The following CACNA1A variants were observed in gnomAD, a reference collection of about 807,000 sequenced individuals.
CACNA1A encodes the protein voltage-dependent P/Q-type calcium channel subunit alpha-1A.
In CACNA1A, 57 loss-of-function variants were observed where a neutral mutation model predicts 262.4. That is an observed-to-expected ratio of 0.22 (90% CI 0.18 to 0.27). CACNA1A has a LOEUF of 0.27. Among genes scored for constraint, CACNA1A ranks in the 10% least tolerant of loss-of-function variants. The pLI is 1.00. For missense variants in CACNA1A, 2,526 were observed against 3,562.8 expected, an observed-to-expected ratio of 0.71 and a Z score of 7.41; for synonymous variants, 1,431 against 1,419.3, an observed-to-expected ratio of 1.01 and a Z score of -0.18.
intron 34 of CACNA1A, among the ~76,000 whole-genome samples, chr19:13,232,313 C>T (rs757396700): frequency 2.0e-5 from 3 of 151,740 alleles, no homozygotes; most frequent in Admixed American, 6.6e-5. Flanking sequence ...CCTCCCGCCT[C>T]GGCCTCCTGA....
intron 3 of CACNA1A, among the ~76,000 whole-genome samples, chr19:13,397,148 A>C (rs1457864535): frequency 6.6e-6 from 1 of 152,166 alleles, no homozygotes; most frequent in Non-Finnish European, 1.5e-5. Flanking sequence ...TGAATGGTTC[A>C]TGAAAGCTGC....
rs1491579757 is a variant in CACNA1A, at chr19:13,320,236, T to TTG, written c.1346-2916_1346-2915insCA. ...GGGGACAGGGGGGATGTTCCACAGA[T>TTG]CGAGAGAGAGAGAGAGAGAGAGAGA... On this transcript the variant is annotated intron_variant, in intron 10 of 46. Transcript: ENST00000360228. 5.7e-3 allele frequency among the ~76,000 whole-genome samples: 420 copies of TTG among 73,540 alleles called. 2 individuals carry two copies. The East Asian group carries it at 0.058, about 10-fold the overall frequency. The allele number at this position is 73,540 out of a possible 152,430, so 48.2% of individuals were successfully genotyped here. A position where few individuals can be genotyped will look rare whatever the true frequency, so the allele number is the denominator to read the frequency against.
intron 1 of CACNA1A, 99 bp downstream of exon 1, chr19:13,505,833 C>G: frequency 7.8e-7 from 1 of 1,273,892 alleles, no homozygotes; most frequent in Non-Finnish European, 1.1e-6. Flanking sequence ...TCCTCCCCAC[C>G]TCCCATCAAC....
intron 6 of CACNA1A, among the ~76,000 whole-genome samples, chr19:13,348,487 G>C (rs2058835081): frequency 6.6e-6 from 1 of 152,138 alleles, no homozygotes; most frequent in Non-Finnish European, 1.5e-5. Flanking sequence ...CAGATCACTT[G>C]AGGTCAGGAG....
chr19:13,448,195 T>A (rs1005932070), intron 3 of CACNA1A, among the ~76,000 whole-genome samples: 1 of 152,030 alleles, frequency 6.6e-6, no homozygotes, highest in Non-Finnish European at 1.5e-5. Context: ...AACAAGATCA[T>A]GTCCTTTGCA....
At chr19:13,396,674 T>C (rs955218505) in intron 3 of CACNA1A, among the ~76,000 whole-genome samples, 4 of 152,246 alleles carry the variant, frequency 2.6e-5, no homozygotes, top group Non-Finnish European at 5.9e-5. Context: ...AGTTGAATTA[T>C]AGAGTGGATT....
At position 13,241,486 on chromosome 19, in the gene CACNA1A, A is replaced by G; in HGVS notation, c.4950+3696T>C. Reference sequence around the variant, plus strand: ...GAGGAGATGCGTTCACAGTTAATGTAAGGCATTTAGACTTCAGAAAGAAGT... The same window carrying G: ...GAGGAGATGCGTTCACAGTTAATGTGAGGCATTTAGACTTCAGAAAGAAGT... On this transcript the variant is annotated intron_variant, in intron 31 of 46. Transcript: ENST00000360228. This position sits in a 1 kb window ranked among gnomAD's most constrained non-coding sequence, Gnocchi z 4.0. 1 of 1,434,412 alleles carries G rather than the reference A, an allele frequency of 7.0e-7. No homozygotes were observed. The highest frequency in any genetic ancestry group is 2.6e-5 in the East Asian group (1 of 38,370). 88.9% of individuals were successfully genotyped at this position (1,434,412 alleles called of 1,614,324 possible). A position where few individuals can be genotyped will look rare whatever the true frequency, so the allele number is the denominator to read the frequency against.
intron 24 of CACNA1A, 169 bp downstream of exon 24, chr19:13,275,681 T>C (rs1380115696): frequency 6.2e-6 from 4 of 640,632 alleles, no homozygotes; most frequent in African/African-American, 5.4e-5. Flanking sequence ...ATGGACATCA[T>C]GCAAAAAGCC....
At chr19:13,290,794 T>C (rs1410223857) in intron 19 of CACNA1A, among the ~76,000 whole-genome samples, 2 of 152,080 alleles carry the variant, frequency 1.3e-5, no homozygotes, top group Non-Finnish European at 2.9e-5. Flanking sequence ...ATCCCTGCCA[T>C]AAAGCAGGCC....
chr19:13,429,503 T>C, intron 3 of CACNA1A, among the ~76,000 whole-genome samples: 1 of 131,350 alleles, frequency 7.6e-6, no homozygotes, highest in African/African-American at 3.0e-5. Context: ...ACTGTGCCCC[T>C]CACTCCTATT....
chr19:13,333,788 T>G (rs771297303), intron 8 of CACNA1A: 1 of 152,436 alleles, frequency 6.6e-6, no homozygotes, highest in Non-Finnish European at 1.5e-5. Flanking sequence ...TTCTCTGAAT[T>G]TGGGAGTTCC....
intron 28 of CACNA1A, 66 bp from the exon 29 acceptor site, chr19:13,255,325 CCT>C (rs750620826): frequency 3.6e-4 from 519 of 1,449,736 alleles, no homozygotes; most frequent in Non-Finnish European, 4.5e-4. Context: ...CACCGGGCAC[CCT>C]CTGTCTAACT....
At position 13,212,122 on chromosome 19, in the gene CACNA1A, C is replaced by T. The variant is rs770058965; in HGVS notation, c.6284G>A (p.Arg2095His). The change falls in exon 43 of 47, where the codon CGC (arginine) becomes CAC (histidine). Residue 2095 changes from arginine to histidine, a missense_variant. Arg to His is a conservative substitution (Grantham distance 29). This residue lies in a region of CACNA1A where 929 missense variants were observed against 868.1 expected (regional missense o/e 1.07). Transcript: ENST00000360228. The surrounding 1 kb of genome is among the most constrained non-coding windows in gnomAD (Gnocchi z 5.6). ...EGQGRAASMP[R>H]LPAENQRRRG... ...CCTCACCTGGTTCTCTGCAGGGAGG[C>T]GGGGCATGGAGGCAGCCCGGCCCTG... is the stretch of plus-strand genomic sequence containing the variant. The T allele has an allele frequency of 2.5e-6, 4 of 1,612,466 alleles. No homozygotes were observed. The highest frequency in any genetic ancestry group is 1.1e-5 in the South Asian group (1 of 91,048).
At chr19:13,349,469 G>A (rs1380893820) in intron 6 of CACNA1A, among the ~76,000 whole-genome samples, 1 of 152,164 alleles carries the variant, frequency 6.6e-6, no homozygotes, top group African/African-American at 2.4e-5. Context: ...GACAATTTCT[G>A]GCTTTTCTGA....
chr19:13,397,524 C>T (rs753797659), intron 3 of CACNA1A, among the ~76,000 whole-genome samples: 7 of 152,200 alleles, frequency 4.6e-5, no homozygotes, highest in Non-Finnish European at 1.0e-4. Context: ...TGAGGACCCA[C>T]GCAGAGACTG....
Position 13,383,801 on chromosome 19 carries a change from ATTGT to A in CACNA1A, c.540-12026_540-12023del, listed in dbSNP as rs552051838. ...CTGCCTCTTCACTCTCTGGAATTAT[ATTGT>A]TTGTTTGTTTGTTTATTTATTTATT... On this transcript the variant is annotated intron_variant, in intron 3 of 46. Coordinates refer to ENST00000360228, the MANE Select transcript of CACNA1A (RefSeq NM_001127222.2). Among the ~76,000 whole-genome samples the A allele has an allele frequency of 1.5e-3, 221 of 152,040 alleles. 1 individual carries two copies. The highest frequency in any genetic ancestry group is 2.4e-3 in the Admixed American group (37 of 15,248).
intron 3 of CACNA1A, among the ~76,000 whole-genome samples, chr19:13,406,410 G>A (rs556188784): frequency 2.8e-5 from 4 of 143,738 alleles, no homozygotes; most frequent in South Asian, 2.2e-4. Context: ...AGCCAAGATC[G>A]CGACAATGGG....
At chr19:13,461,938 T>C (rs1459284924) in intron 1 of CACNA1A, among the ~76,000 whole-genome samples, 3 of 152,128 alleles carry the variant, frequency 2.0e-5, no homozygotes, top group Admixed American at 1.3e-4. Context: ...CACAGAGCTC[T>C]ATACACAATG....
intron 1 of CACNA1A, among the ~76,000 whole-genome samples, chr19:13,498,431 G>C (rs547630560): frequency 2.9e-4 from 44 of 152,294 alleles, no homozygotes; most frequent in African/African-American, 1.0e-3. Context: ...GGGTGACTAA[G>C]TTGGGTTTCC....
Sources: gnomAD v4.1 joint callset for allele counts (sites outside exome capture counted in the v4.1 genomes callset) on GRCh38, gnomAD v4.1.1 for gene constraint, gnomAD v4.1.1 regional missense constraint, Gnocchi (gnomAD v3.1) non-coding constraint, MANE v1.5 for transcripts, NCBI Gene and HGNC (gene_info 2026-07-23, HGNC 2026-07-21) for gene names.